Variants in ERICH6 observed in about 807,000 individuals in gnomAD.
ERICH6 encodes the protein glutamate rich 6.
In ERICH6, 71 loss-of-function variants were observed where a neutral mutation model predicts 71.0. The ratio of observed to expected loss-of-function variants is 1.00; its 90% CI spans 0.83 to 1.22. ERICH6 has a LOEUF of 1.22. Ranked by LOEUF, ERICH6 falls within the 50% of genes most tolerant of loss-of-function variation. The pLI, the probability that ERICH6 is intolerant of heterozygous loss-of-function variation, is 0.00. For synonymous variants in ERICH6, 262 were observed against 278.4 expected (o/e 0.94, Z 0.59); for missense variants, 808 against 797.2 (o/e 1.01, Z -0.16).
chr3:150,673,770 G>A (rs564561310), intron 11 of ERICH6, among the ~76,000 whole-genome samples, 186 bp downstream of exon 11: 16 of 151,978 alleles, frequency 1.1e-4, no homozygotes, highest in South Asian at 4.2e-4. Flanking sequence ...TTGTGGAGAC[G>A]GAGTTTTGCC....
At chr3:150,693,443 C>G (rs530455475) in intron 3 of ERICH6, among the ~76,000 whole-genome samples, 1 of 152,134 alleles carries the variant, frequency 6.6e-6, no homozygotes, top group African/African-American at 2.4e-5. Flanking sequence ...CACTTTCTGA[C>G]AGGCCTAGGA....
Position 150,680,859 on chromosome 3 carries a change from AG to A in ERICH6, c.953del (p.Pro318LeufsTer5), listed in dbSNP as rs1385756071. ...IYEEQIKTKP[P>X]KAELIAIDPH... ...GGTCAATAGCAATTAATTCAGCTTTAGGGGGTTTGGTTTTTATTTGCTCCTC... is the reference window on the plus strand; with the variant it reads ...GGTCAATAGCAATTAATTCAGCTTTAGGGGTTTGGTTTTTATTTGCTCCTC... On this transcript the variant is annotated frameshift_variant, in exon 8 of 14. Coordinates refer to ENST00000295910, the MANE Select transcript of ERICH6 (RefSeq NM_152394.5). LOFTEE classifies it high-confidence loss of function. 1 of 1,613,932 alleles carries A rather than the reference AG, an allele frequency of 6.2e-7. No individual in the cohort carries two copies. The highest frequency in any genetic ancestry group is 8.5e-7 in the Non-Finnish European group (1 of 1,180,028).
chr3:150,700,233 C>T (rs1182894150), intron 2 of ERICH6, among the ~76,000 whole-genome samples: 1 of 145,332 alleles, frequency 6.9e-6, no homozygotes, highest in Admixed American at 7.0e-5. Flanking sequence ...CGCCACCATG[C>T]CCGGCTAATT....
rs1182497452 is a variant in ERICH6, at chr3:150,669,325, A to G, written c.1470T>C (p.Ser490=). 1.2e-6 allele frequency: 2 copies of G among 1,611,484 alleles called. No homozygotes were observed. Among genetic ancestry groups the G allele is most frequent in the African/African-American group, 2.7e-5 (2 of 74,846 alleles). Residue 490 remains serine, a synonymous_variant, in exon 12 of 14, where the codon AGT becomes AGC. Transcript: ENST00000295910. ...ILAVLDSSGR[S]SCYHPNGNVW... ...CATTTCCATTGGGATGATAGCAGGA[A>G]CTTCTGCCAGAGGAATCCAGCACTG... is the stretch of plus-strand genomic sequence containing the variant.
chr3:150,683,232 C>G (rs537677103), intron 6 of ERICH6, among the ~76,000 whole-genome samples: 2 of 152,184 alleles, frequency 1.3e-5, no homozygotes, highest in Non-Finnish European at 2.9e-5. Flanking sequence ...TGAAACTACC[C>G]AATAGTAAGT....
chr3:150,703,536 C>A lies in ERICH6; in HGVS notation c.363G>T (p.Thr121=). 1 of 1,610,544 alleles carries A rather than the reference C, an allele frequency of 6.2e-7. No individual in the cohort carries two copies. The highest frequency in any genetic ancestry group is 1.3e-5 in the African/African-American group (1 of 74,942). ...VPSQSATSTE[T]PSASPPSSTS... Reference sequence around the variant, plus strand: ...TGCTGGAGGGTGGGCTTGCGCTCGGCGTTTCAGTGCTGGTCGCGCTCTGGC... The same window carrying A: ...TGCTGGAGGGTGGGCTTGCGCTCGGAGTTTCAGTGCTGGTCGCGCTCTGGC... The change falls in exon 1 of 14, where the codon ACG becomes ACT. Residue 121 remains threonine, a synonymous_variant. Coordinates refer to ENST00000295910, the MANE Select transcript of ERICH6 (RefSeq NM_152394.5).
At chr3:150,680,642 T>A (rs1278884891) in intron 8 of ERICH6, 104 bp from the exon 9 acceptor site, 2 of 1,572,704 alleles carry the variant, frequency 1.3e-6, no homozygotes, top group Non-Finnish European at 1.7e-6. Flanking sequence ...GTCTGTTTGA[T>A]CTGTTATTAC....
intron 13 of ERICH6, among the ~76,000 whole-genome samples, chr3:150,662,143 T>C (rs1279910827): frequency 1.3e-5 from 2 of 152,176 alleles, no homozygotes; most frequent in East Asian, 1.9e-4. Flanking sequence ...ACTACCTTTA[T>C]TGTCAAAATA....
At chr3:150,686,970 A>T (rs1712219013) in intron 3 of ERICH6, among the ~76,000 whole-genome samples, 1 of 152,202 alleles carries the variant, frequency 6.6e-6, no homozygotes, top group Non-Finnish European at 1.5e-5. Context: ...CAGGAGTTCC[A>T]GACCAGCCTA....
chr3:150,675,900 T>C (rs1209045806), intron 10 of ERICH6, among the ~76,000 whole-genome samples: 2 of 151,404 alleles, frequency 1.3e-5, no homozygotes, highest in African/African-American at 4.8e-5. Flanking sequence ...AGTTTCACTA[T>C]GATGTGTCTA....
intron 3 of ERICH6, among the ~76,000 whole-genome samples, chr3:150,690,253 C>A (rs185894551): frequency 6.6e-6 from 1 of 152,182 alleles, no homozygotes; most frequent in Admixed American, 6.5e-5. Flanking sequence ...TCTAGCACAC[C>A]AGACTTTTTC....
chr3:150,685,656 T>A, intron 6 of ERICH6, 86 bp downstream of exon 6: 4 of 1,120,760 alleles, frequency 3.6e-6, no homozygotes, highest in Non-Finnish European at 5.2e-6. Flanking sequence ...CCTTTTAGAG[T>A]ATTTTCACTG....
chr3:150,692,127 C>A (rs1027671583), intron 3 of ERICH6, among the ~76,000 whole-genome samples: 1 of 152,084 alleles, frequency 6.6e-6, no homozygotes, highest in East Asian at 1.9e-4. Flanking sequence ...GAAGCATTAA[C>A]CAACTCCTTA....
intron 10 of ERICH6, 45 bp from the exon 11 acceptor site, chr3:150,674,086 A>T (rs1457138891): frequency 1.3e-6 from 2 of 1,535,964 alleles, no homozygotes; most frequent in Non-Finnish European, 1.8e-6. Context: ...TTTCGGACAT[A>T]AAGTAGTAAG....
At position 150,703,783 on chromosome 3, in the gene ERICH6, T is replaced by TCCTCCTCCTCCTCCACCTCTA; in HGVS notation, c.115_116insTAGAGGTGGAGGAGGAGGAGG (p.Glu38_Glu39insValGluValGluGluGluGlu). 1 of 1,589,980 alleles carries TCCTCCTCCTCCTCCACCTCTA rather than the reference T, an allele frequency of 6.3e-7. No homozygotes were observed. Among genetic ancestry groups the TCCTCCTCCTCCTCCACCTCTA allele is most frequent in the Non-Finnish European group, 8.6e-7 (1 of 1,168,378 alleles). ...CTCTTCCTCCTCCTCCTCCACCTCT[T>TCCTCCTCCTCCTCCACCTCTA]CCTCCTCCTCCTCCACCTCTTCCTC... is the stretch of plus-strand genomic sequence containing the variant. On this transcript the variant is annotated inframe_insertion, in exon 1 of 14. Transcript: ENST00000295910.
intron 11 of ERICH6, among the ~76,000 whole-genome samples, chr3:150,669,873 T>G (rs1218427583): frequency 6.6e-6 from 1 of 152,166 alleles, no homozygotes; most frequent in Non-Finnish European, 1.5e-5. Flanking sequence ...ATGAATGTCC[T>G]CAACCTGATA....
chr3:150,690,927 G>C (rs1712408341), intron 3 of ERICH6, among the ~76,000 whole-genome samples: 1 of 152,152 alleles, frequency 6.6e-6, no homozygotes, highest in South Asian at 2.1e-4. Context: ...TAATCTTGTG[G>C]CTTTAGGCAG....
rs1394566000 is a variant in ERICH6, at chr3:150,680,455, C to T, written c.1111+13G>A. ...GTACAGCTGGTCTATAAGATCAGCACTAATGAACTCACCATCTTCAGAGAA... is the reference window on the plus strand; with the variant it reads ...GTACAGCTGGTCTATAAGATCAGCATTAATGAACTCACCATCTTCAGAGAA... On this transcript the variant is annotated intron_variant, in intron 9 of 13. Coordinates refer to ENST00000295910, the MANE Select transcript of ERICH6 (RefSeq NM_152394.5). 3.1e-6 allele frequency: 5 copies of T among 1,613,604 alleles called. No homozygotes were observed. The highest frequency in any genetic ancestry group is 4.2e-6 in the Non-Finnish European group (5 of 1,179,518).
At chr3:150,688,402 G>A (rs530176832) in intron 3 of ERICH6, among the ~76,000 whole-genome samples, 29 of 152,258 alleles carry the variant, frequency 1.9e-4, no homozygotes, top group Middle Eastern at 6.8e-3. Context: ...TGTATATGAC[G>A]AAATATTATG....
Sources: gnomAD v4.1 joint callset for allele counts (sites outside exome capture counted in the v4.1 genomes callset) on GRCh38, gnomAD v4.1.1 for gene constraint, MANE v1.5 for transcripts, NCBI Gene and HGNC (gene_info 2026-07-23, HGNC 2026-07-21) for gene names.